Variants in DCTD observed in about 807,000 individuals in gnomAD.
DCTD encodes the protein dCMP deaminase.
DCTD carries 23 observed loss-of-function variants against 21.0 expected under a neutral mutation model. That is an observed-to-expected ratio of 1.09 (90% CI 0.79 to 1.55). The LOEUF is 1.55. DCTD is among the 40% of genes most tolerant of loss of function. DCTD has a pLI of 0.00. For synonymous variants in DCTD, 71 were observed against 81.1 expected (o/e 0.88, Z 0.67); for missense variants, 224 against 230.0 (o/e 0.97, Z 0.17).
chr4:182,896,603 T>C (rs1003374767), intron 3 of DCTD, among the ~76,000 whole-genome samples: 3 of 151,766 alleles, frequency 2.0e-5, no homozygotes, highest in Admixed American at 6.6e-5. Context: ...AAGAGAAGGG[T>C]GCGAGGGCCC....
chr4:182,894,718 A>G, intron 3 of DCTD, 113 bp from the exon 4 acceptor site: 1 of 736,970 alleles, frequency 1.4e-6, no homozygotes, highest in Non-Finnish European at 2.4e-6. Context: ...AGACTCAAGT[A>G]AAAACATTGA....
chr4:182,913,986 T>C (rs188558075), intron 3 of DCTD, among the ~76,000 whole-genome samples: 1 of 140,968 alleles, frequency 7.1e-6, no homozygotes, highest in East Asian at 1.9e-4. Context: ...TTCTTTGTTT[T>C]TGTTTTGTTT....
chr4:182,895,264 T>C (rs1340302534), intron 3 of DCTD, among the ~76,000 whole-genome samples: 2 of 152,082 alleles, frequency 1.3e-5, no homozygotes, highest in Admixed American at 6.5e-5. Flanking sequence ...AGAGATGGAG[T>C]CTCACTATGT....
chr4:182,908,682 C>CA (rs34915632), intron 3 of DCTD, among the ~76,000 whole-genome samples: 4,001 of 63,296 alleles, frequency 0.063, 204 homozygotes, highest in African/African-American at 0.1. Flanking sequence ...GACTCTGTCT[C>CA]AAAAAAAAAA....
intron 3 of DCTD, among the ~76,000 whole-genome samples, chr4:182,909,872 G>A (rs1194164692): frequency 1.3e-5 from 2 of 152,198 alleles, no homozygotes; most frequent in Non-Finnish European, 2.9e-5. Flanking sequence ...AAATAAAGAT[G>A]AAATTTAAAT....
chr4:182,892,515 G>A (rs1459305604), intron 5 of DCTD, among the ~76,000 whole-genome samples: 2 of 152,152 alleles, frequency 1.3e-5, no homozygotes, highest in African/African-American at 4.8e-5. Context: ...TTAGCTGGGT[G>A]TGGCAGGGGA....
At chr4:182,915,083 T>G in intron 2 of DCTD, 25 bp from the exon 3 acceptor site, 1 of 1,614,154 alleles carries the variant, frequency 6.2e-7, no homozygotes, top group Non-Finnish European at 8.5e-7. Flanking sequence ...GCCCAAAGGC[T>G]TGGTGCCTGC....
rs368126765 is a variant in DCTD, at chr4:182,891,360, C to T, written c.*39G>A. The T allele has an allele frequency of 4.0e-5, 57 of 1,437,536 alleles. No homozygotes were observed. The highest frequency in any genetic ancestry group is 2.2e-4 in the African/African-American group (16 of 71,556). 89.0% of individuals were successfully genotyped at this position (1,437,536 alleles called of 1,614,324 possible). A position where few individuals can be genotyped will look rare whatever the true frequency, so the allele number is the denominator to read the frequency against. On this transcript the variant is annotated 3_prime_UTR_variant, in exon 6 of 6. Coordinates refer to ENST00000438320, the MANE Select transcript of DCTD (RefSeq NM_001921.3). ...AAGGCATTAGCAACCTCTTAGAAGACGATAATCCCAATCTTCTGGAGATTG... is the reference window on the plus strand; with the variant it reads ...AAGGCATTAGCAACCTCTTAGAAGATGATAATCCCAATCTTCTGGAGATTG...
At chr4:182,914,859 T>G in intron 3 of DCTD, 64 bp downstream of exon 3, 1 of 1,595,746 alleles carries the variant, frequency 6.3e-7, no homozygotes, top group Non-Finnish European at 8.6e-7. Context: ...TCTGACCAAC[T>G]TTCTTAATTA....
chr4:182,897,927 T>C (rs942419421), intron 3 of DCTD, among the ~76,000 whole-genome samples: 5 of 152,182 alleles, frequency 3.3e-5, no homozygotes, highest in Non-Finnish European at 7.3e-5. Flanking sequence ...TCCATAGCCC[T>C]GAAACTCTGA....
chr4:182,907,028 T>A (rs552334323), intron 3 of DCTD, among the ~76,000 whole-genome samples: 2 of 152,272 alleles, frequency 1.3e-5, no homozygotes, highest in Non-Finnish European at 2.9e-5. Context: ...CTCTAAAGAA[T>A]TTCTAAAGTC....
At chr4:182,900,491 A>G (rs1735529667) in intron 3 of DCTD, among the ~76,000 whole-genome samples, 2 of 152,320 alleles carry the variant, frequency 1.3e-5, no homozygotes, top group East Asian at 1.9e-4. Context: ...CAACTAACCA[A>G]AACTAACCAA....
At chr4:182,894,405 A>G (rs905998281) in intron 4 of DCTD, 84 bp downstream of exon 4, 3 of 803,898 alleles carry the variant, frequency 3.7e-6, no homozygotes, top group Non-Finnish European at 6.4e-6. Flanking sequence ...AACAATAGCA[A>G]TTTAAGATCA....
intron 3 of DCTD, among the ~76,000 whole-genome samples, chr4:182,901,375 T>C (rs1425750167): frequency 6.6e-6 from 1 of 152,198 alleles, no homozygotes; most frequent in African/African-American, 2.4e-5. Flanking sequence ...TCCAGGTTGC[T>C]TAAAAATCCC....
intron 3 of DCTD, among the ~76,000 whole-genome samples, chr4:182,902,825 G>T (rs990139065): frequency 1.3e-5 from 2 of 152,164 alleles, no homozygotes; most frequent in Non-Finnish European, 2.9e-5. Flanking sequence ...GCAGCGGCCC[G>T]AGTGCAAGCT....
In DCTD at chr4:182,909,167, C is replaced by A. The variant is rs911837926; in HGVS notation, c.244+5756G>T. Among the ~76,000 whole-genome samples, 7 of 152,194 alleles carry A rather than the reference C, an allele frequency of 4.6e-5. No homozygotes were observed. In the East Asian group the frequency reaches 1.3e-3, roughly 29 times the overall value. Reference sequence around the variant, plus strand: ...AATTAACTCTGTAACTATAAAAATACATAAATATCAAAATAAATTATATTA... The same window carrying A: ...AATTAACTCTGTAACTATAAAAATAAATAAATATCAAAATAAATTATATTA... On this transcript the variant is annotated intron_variant, in intron 3 of 5. Transcript: ENST00000438320.
At chr4:182,915,234 GA>G (rs1173188301) in intron 2 of DCTD, among the ~76,000 whole-genome samples, 176 bp from the exon 3 acceptor site, 3 of 152,238 alleles carry the variant, frequency 2.0e-5, no homozygotes, top group Non-Finnish European at 4.4e-5. Context: ...ACAAGCCAAG[GA>G]AAGTGCACCC....
chr4:182,909,705 G>A (rs191799781), intron 3 of DCTD, among the ~76,000 whole-genome samples: 3 of 152,296 alleles, frequency 2.0e-5, no homozygotes, highest in Admixed American at 2.0e-4. Flanking sequence ...CTAACTTCTT[G>A]ATAAATTAGT....
intron 3 of DCTD, among the ~76,000 whole-genome samples, chr4:182,911,985 A>C (rs1737768445): frequency 6.6e-6 from 1 of 152,134 alleles, no homozygotes; most frequent in Middle Eastern, 3.2e-3. Context: ...AACTCGAGAT[A>C]ATCTCTAAAG....
Sources: allele counts gnomAD v4.1 joint callset (sites outside exome capture counted in the v4.1 genomes callset), GRCh38; gene constraint gnomAD v4.1.1; transcripts MANE v1.5; gene names NCBI Gene and HGNC (gene_info 2026-07-23, HGNC 2026-07-21).